Variants in GLDC observed in about 807,000 individuals in gnomAD.
The protein encoded by GLDC is glycine dehydrogenase (decarboxylating), mitochondrial.
GLDC carries 104 observed loss-of-function variants against 121.3 expected under a neutral mutation model. The ratio of observed to expected loss-of-function variants is 0.86; its 90% CI spans 0.73 to 1.01. GLDC has a LOEUF of 1.01. Ranked by LOEUF, GLDC falls within the 50% of genes least tolerant of loss-of-function variation. The pLI is 0.00. For synonymous variants in GLDC, 546 were observed against 480.6 expected, an observed-to-expected ratio of 1.14 and a Z score of -1.78; for missense variants, 1,429 against 1,306.6, an observed-to-expected ratio of 1.09 and a Z score of -1.44.
rs576964709 is a variant in GLDC, at chr9:6,639,298, C to T, written c.334+5316G>A. 4.0e-4 allele frequency: 372 copies of T among 930,990 alleles called. 4 individuals carry two copies. In the South Asian group the frequency reaches 4.1e-3, roughly 10 times the overall value. 57.7% of individuals were successfully genotyped at this position (930,990 alleles called of 1,614,324 possible). A position where few individuals can be genotyped will look rare whatever the true frequency, so the allele number is the denominator to read the frequency against. On this transcript the variant is annotated intron_variant, in intron 2 of 24. Coordinates refer to ENST00000321612, the MANE Select transcript of GLDC (RefSeq NM_000170.3). ...CACCTTCCGGCGGTCCAAGACCCTGCGACTCCAGAGACAGCCCAAATATCC... is the reference window on the plus strand; with the variant it reads ...CACCTTCCGGCGGTCCAAGACCCTGTGACTCCAGAGACAGCCCAAATATCC...
At chr9:6,601,980 G>C in intron 8 of GLDC, 129 bp downstream of exon 8, 1 of 694,828 alleles carries the variant, frequency 1.4e-6, no homozygotes, top group Non-Finnish European at 2.6e-6. Flanking sequence ...ACACCAATAA[G>C]ATCTTGCCAT....
At position 6,554,772 on chromosome 9, in the gene GLDC, A is replaced by T. The variant is rs375850752; in HGVS notation, c.2212T>A (p.Cys738Ser). Residue 738 changes from cysteine (C) to serine (S), a missense_variant, in exon 19 of 25, where the codon TGT (cysteine) becomes AGT (serine). Physicochemically the swap from Cys to Ser is moderately radical, Grantham distance 112. Transcript: ENST00000321612. ...TCAGACCCGAAGTCTCCAGGGCGAC[A>T]GATTCCCACCTACCACAAAGGCAAG... Reference protein sequence around the residue: ...GANMNAQVGICRPGDFGSDVS... With the variant: ...GANMNAQVGISRPGDFGSDVS... 1.1e-5 allele frequency: 17 copies of T among 1,612,100 alleles called. No individual in the cohort carries two copies. In the African/African-American group the frequency reaches 2.1e-4, roughly 20 times the overall value.
intron 15 of GLDC, among the ~76,000 whole-genome samples, chr9:6,580,147 C>T (rs1317199284): frequency 2.0e-5 from 3 of 152,206 alleles, no homozygotes; most frequent in Non-Finnish European, 4.4e-5. Flanking sequence ...CCTTTCGTCT[C>T]AGGGTTTGTG....
chr9:6,626,070 A>G (rs926414551), intron 2 of GLDC, among the ~76,000 whole-genome samples: 7 of 151,822 alleles, frequency 4.6e-5, no homozygotes, highest in Non-Finnish European at 1.0e-4. Context: ...CTCGCCCCAT[A>G]GAGAGGTGCT....
At chr9:6,615,012 T>A (rs1429377042) in intron 3 of GLDC, among the ~76,000 whole-genome samples, 2 of 152,222 alleles carry the variant, frequency 1.3e-5, no homozygotes, top group African/African-American at 4.8e-5. Flanking sequence ...ACACAATCTG[T>A]CACTGACCAA....
chr9:6,562,323 C>T (rs901672696), intron 16 of GLDC, among the ~76,000 whole-genome samples: 1 of 152,098 alleles, frequency 6.6e-6, no homozygotes, highest in Non-Finnish European at 1.5e-5. Flanking sequence ...CAAAAAGCAG[C>T]TTGAAAGAAA....
At chr9:6,582,296 A>G (rs1818185232) in intron 15 of GLDC, among the ~76,000 whole-genome samples, 1 of 151,050 alleles carries the variant, frequency 6.6e-6, no homozygotes, top group South Asian at 2.1e-4. Context: ...AGGTGGGCAG[A>G]TCACCTGAGG....
intron 17 of GLDC, 82 bp from the exon 18 acceptor site, chr9:6,556,384 G>T: frequency 8.6e-7 from 1 of 1,165,380 alleles, no homozygotes; most frequent in Non-Finnish European, 1.3e-6. Context: ...TCATTTTAAA[G>T]GATGAAGAAA....
chr9:6,580,198 C>G (rs966601352), intron 15 of GLDC, among the ~76,000 whole-genome samples: 1 of 152,182 alleles, frequency 6.6e-6, no homozygotes, highest in Non-Finnish European at 1.5e-5. Flanking sequence ...CCAAAGAACT[C>G]TTACCCTCAC....
At chr9:6,606,804 G>A (rs1587962013) in intron 4 of GLDC, 135 bp from the exon 5 acceptor site, 3 of 706,754 alleles carry the variant, frequency 4.2e-6, no homozygotes, top group Non-Finnish European at 7.8e-6. Flanking sequence ...CGGGTGCGGT[G>A]GCTCACGCCT....
intron 15 of GLDC, among the ~76,000 whole-genome samples, chr9:6,579,135 G>GTA (rs978946976): frequency 6.6e-6 from 1 of 151,706 alleles, no homozygotes; most frequent in Non-Finnish European, 1.5e-5. Flanking sequence ...TTTCTTATTT[G>GTA]TATATATATA....
intron 4 of GLDC, among the ~76,000 whole-genome samples, chr9:6,607,910 C>T (rs1320260189): frequency 2.0e-5 from 3 of 151,674 alleles, no homozygotes; most frequent in Non-Finnish European, 2.9e-5. Context: ...ATTGCTCGAG[C>T]TCAGGGGTTC....
chr9:6,576,045 C>A (rs1818057933), intron 15 of GLDC, among the ~76,000 whole-genome samples: 1 of 152,184 alleles, frequency 6.6e-6, no homozygotes, highest in Admixed American at 6.5e-5. Flanking sequence ...TTCAAACACC[C>A]TTGGGATCAA....
intron 5 of GLDC, chr9:6,605,833 G>A (rs2129900497): frequency 5.0e-6 from 1 of 200,710 alleles, no homozygotes; most frequent in Middle Eastern, 2.2e-3. Flanking sequence ...CAGCACGAAA[G>A]AAAAGTACTA....
intron 23 of GLDC, 115 bp downstream of exon 23, chr9:6,535,949 T>A: frequency 1.1e-6 from 1 of 913,036 alleles, no homozygotes; most frequent in Non-Finnish European, 1.8e-6. Flanking sequence ...AGAATTACCT[T>A]ATTCTAGGGA....
At chr9:6,597,915 TGGAGCGAGACTCGTC>T (rs1818522413) in intron 8 of GLDC, among the ~76,000 whole-genome samples, 1 of 101,960 alleles carries the variant, frequency 9.8e-6, no homozygotes, top group Non-Finnish European at 2.7e-5. Context: ...GCCTGGGCGA[TGGAGCGAGACTCGTC>T]TCCAAAAAAA....
intron 15 of GLDC, among the ~76,000 whole-genome samples, chr9:6,586,702 C>T (rs1279896381): frequency 3.3e-5 from 5 of 152,156 alleles, no homozygotes; most frequent in African/African-American, 1.2e-4. Context: ...GGTGTTGTCC[C>T]CTCCCCGATT....
chr9:6,551,852 T>A (rs902559771), intron 20 of GLDC, among the ~76,000 whole-genome samples: 2 of 152,158 alleles, frequency 1.3e-5, no homozygotes, highest in Non-Finnish European at 2.9e-5. Context: ...AGCCCAAAAC[T>A]TCTCTAGGAA....
intron 14 of GLDC, among the ~76,000 whole-genome samples, chr9:6,587,552 A>G (rs1459983444): frequency 6.6e-6 from 1 of 152,234 alleles, no homozygotes; most frequent in Admixed American, 6.5e-5. Context: ...AAAAGCCCCC[A>G]AAACAGATTT....
Sources: gnomAD v4.1 joint callset for allele counts (sites outside exome capture counted in the v4.1 genomes callset) on GRCh38, gnomAD v4.1.1 for gene constraint, MANE v1.5 for transcripts, NCBI Gene and HGNC (gene_info 2026-07-23, HGNC 2026-07-21) for gene names.